FCHSD2: variants seen among roughly 807,000 people sequenced by gnomAD.
FCHSD2 encodes F-BAR and double SH3 domains protein 2.
In FCHSD2, 38 loss-of-function variants were observed where a neutral mutation model predicts 108.1. The observed-to-expected ratio is 0.35, with a 90% CI of 0.27 to 0.46. The LOEUF is 0.46. Among genes scored for constraint, FCHSD2 ranks in the 20% least tolerant of loss-of-function variants. FCHSD2 has a pLI of 1.00. For synonymous variants in FCHSD2, 279 were observed against 314.7 expected, an observed-to-expected ratio of 0.89 and a Z score of 1.20; for missense variants, 751 against 897.8, an observed-to-expected ratio of 0.84 and a Z score of 2.09.
At chr11:72,867,616 A>C (rs986305152) in intron 13 of FCHSD2, among the ~76,000 whole-genome samples, 1 of 152,144 alleles carries the variant, frequency 6.6e-6, no homozygotes, top group Non-Finnish European at 1.5e-5. Flanking sequence ...AGTTTGGTAG[A>C]TAGGCATCGA....
rs777604074 is a variant in FCHSD2 at position 72,841,435 on chromosome 11, T to G, written c.2056+19A>C. On this transcript the variant is annotated intron_variant, in intron 18 of 19. Coordinates refer to ENST00000409418, the MANE Select transcript of FCHSD2 (RefSeq NM_014824.3). ...TGAAGTGAAAATGCATTTAGACCCA[T>G]GCCCAGGAGAACCCTTACCGTTTGC... 8 of 1,602,384 alleles carry G rather than the reference T, an allele frequency of 5.0e-6. No homozygotes were observed. The South Asian group carries it at 6.7e-5, about 13-fold the overall frequency.
chr11:72,963,210 A>G (rs1043267852), intron 8 of FCHSD2, among the ~76,000 whole-genome samples: 2 of 152,150 alleles, frequency 1.3e-5, no homozygotes, highest in Non-Finnish European at 2.9e-5. Context: ...CCCATAGTAG[A>G]CCCTCAATAA....
chr11:72,906,205 C>A (rs1855627035), intron 9 of FCHSD2, among the ~76,000 whole-genome samples: 1 of 152,164 alleles, frequency 6.6e-6, no homozygotes, highest in Admixed American at 6.5e-5. Flanking sequence ...TTTTTCATGT[C>A]TGTTGGCTGC....
chr11:73,067,289 CA>C (rs1237597865), intron 3 of FCHSD2, among the ~76,000 whole-genome samples: 1 of 152,054 alleles, frequency 6.6e-6, no homozygotes, highest in Non-Finnish European at 1.5e-5. Context: ...AATGAGAACT[CA>C]TGGACATAGG....
At chr11:73,006,208 A>C (rs938322322) in intron 4 of FCHSD2, among the ~76,000 whole-genome samples, 2 of 151,994 alleles carry the variant, frequency 1.3e-5, no homozygotes, top group African/African-American at 4.8e-5. Flanking sequence ...CTCTCAGCCC[A>C]ATTCCTGAAT....
chr11:73,049,874 A>G (rs1418961703), intron 3 of FCHSD2, among the ~76,000 whole-genome samples: 3 of 83,006 alleles, frequency 3.6e-5, no homozygotes, highest in African/African-American at 1.2e-4. Flanking sequence ...AAGGACCATA[A>G]AAAAAAAATT....
intron 3 of FCHSD2, among the ~76,000 whole-genome samples, chr11:73,029,814 C>G (rs1858316815): frequency 6.6e-6 from 1 of 152,086 alleles, no homozygotes; most frequent in Non-Finnish European, 1.5e-5. Flanking sequence ...AGTAAGTCAC[C>G]ACAATATACA....
At chr11:73,039,121 C>T (rs1024833474) in intron 3 of FCHSD2, among the ~76,000 whole-genome samples, 2 of 152,108 alleles carry the variant, frequency 1.3e-5, no homozygotes, top group African/African-American at 4.8e-5. Flanking sequence ...CTGGAATATC[C>T]GTGTATTCCA....
intron 8 of FCHSD2, among the ~76,000 whole-genome samples, chr11:72,946,923 G>A (rs1370265287): frequency 1.3e-5 from 2 of 152,150 alleles, no homozygotes; most frequent in Non-Finnish European, 2.9e-5. Context: ...CTGCCAACAA[G>A]GCAGCACCAG....
intron 9 of FCHSD2, among the ~76,000 whole-genome samples, chr11:72,905,977 T>C (rs1264816224): frequency 2.6e-5 from 4 of 152,220 alleles, no homozygotes; most frequent in African/African-American, 7.2e-5. Flanking sequence ...CTGGGTCAAA[T>C]GGTATTTCTA....
intron 2 of FCHSD2, among the ~76,000 whole-genome samples, chr11:73,091,246 G>A (rs1859949966): frequency 6.6e-6 from 1 of 152,126 alleles, no homozygotes; most frequent in African/African-American, 2.4e-5. Flanking sequence ...TGTATGTAAA[G>A]ACACGTTTTA....
chr11:72,954,585 C>G (rs944348771), intron 8 of FCHSD2, among the ~76,000 whole-genome samples: 8 of 152,004 alleles, frequency 5.3e-5, no homozygotes, highest in African/African-American at 1.9e-4. Flanking sequence ...GACACTAATA[C>G]TTTTAGCTTG....
chr11:72,858,570 G>C (rs553368147), intron 13 of FCHSD2, among the ~76,000 whole-genome samples: 4 of 152,280 alleles, frequency 2.6e-5, no homozygotes, highest in Admixed American at 1.3e-4. Flanking sequence ...TAAATGATTA[G>C]AACATGGACA....
intron 3 of FCHSD2, among the ~76,000 whole-genome samples, chr11:73,021,951 G>GAAAA (rs1858119832): frequency 6.6e-6 from 1 of 151,914 alleles, no homozygotes; most frequent in South Asian, 2.1e-4. Context: ...GCACACCTGT[G>GAAAA]GTCTTAGCTA....
intron 2 of FCHSD2, among the ~76,000 whole-genome samples, chr11:73,134,297 C>T (rs1482372024): frequency 6.6e-6 from 1 of 151,812 alleles, no homozygotes; most frequent in Non-Finnish European, 1.5e-5. Context: ...ATAGTGAAAC[C>T]CTCTCTCTAC....
chr11:73,030,747 T>G (rs890346264), intron 3 of FCHSD2, among the ~76,000 whole-genome samples: 1 of 152,222 alleles, frequency 6.6e-6, no homozygotes, highest in East Asian at 1.9e-4. Context: ...TACATATTGA[T>G]AGTGAAATGG....
At chr11:72,894,926 T>A (rs1004661166) in intron 10 of FCHSD2, among the ~76,000 whole-genome samples, 5 of 152,208 alleles carry the variant, frequency 3.3e-5, no homozygotes, top group Non-Finnish European at 7.3e-5. Flanking sequence ...ATGTATGGTA[T>A]ATGGGTCACT....
chr11:73,087,937 G>C (rs1157043775), intron 2 of FCHSD2, among the ~76,000 whole-genome samples: 2 of 152,102 alleles, frequency 1.3e-5, no homozygotes, highest in African/African-American at 4.8e-5. Flanking sequence ...GGAGTGCAGT[G>C]ATGCAATCAT....
intron 5 of FCHSD2, among the ~76,000 whole-genome samples, chr11:72,996,383 C>T (rs1348497149): frequency 2.0e-5 from 3 of 152,052 alleles, no homozygotes; most frequent in Admixed American, 6.5e-5. Flanking sequence ...CAAATGTGAA[C>T]CACAATATTT....
Sources: gnomAD v4.1 joint callset for allele counts (sites outside exome capture counted in the v4.1 genomes callset) on GRCh38, gnomAD v4.1.1 for gene constraint, MANE v1.5 for transcripts, NCBI Gene and HGNC (gene_info 2026-07-23, HGNC 2026-07-21) for gene names.